The following RNF217 variants were observed in gnomAD, a reference collection of about 807,000 sequenced individuals.
RNF217 encodes E3 ubiquitin-protein ligase RNF217.
A neutral mutation model predicts 57.8 loss-of-function variants in RNF217; 31 were observed. That is an observed-to-expected ratio of 0.54 (90% CI 0.40 to 0.72). RNF217 has a LOEUF of 0.72. Among genes scored for constraint, RNF217 ranks in the 30% least tolerant of loss-of-function variants. The probability of loss-of-function intolerance (pLI) is 0.00; values close to 1 mark genes in which losing one functional copy is unlikely to be tolerated. For synonymous variants in RNF217, 313 were observed against 294.0 expected, an observed-to-expected ratio of 1.06 and a Z score of -0.66; for missense variants, 696 against 708.3, an observed-to-expected ratio of 0.98 and a Z score of 0.20.
At chr6:124,999,335 C>A (rs1052646882) in intron 1 of RNF217, among the ~76,000 whole-genome samples, 3 of 152,220 alleles carry the variant, frequency 2.0e-5, no homozygotes, top group African/African-American at 7.2e-5. Flanking sequence ...TTAGCTGATT[C>A]CCCAGCAGAT....
chr6:125,067,179 A>G (rs1361558455), intron 3 of RNF217, among the ~76,000 whole-genome samples: 1 of 152,192 alleles, frequency 6.6e-6, no homozygotes, highest in African/African-American at 2.4e-5. Flanking sequence ...TAGGAGCCAC[A>G]GGCACTTTGT....
intron 1 of RNF217, among the ~76,000 whole-genome samples, chr6:124,977,723 T>C (rs1036544377): frequency 6.6e-6 from 1 of 152,208 alleles, no homozygotes; most frequent in Non-Finnish European, 1.5e-5. Flanking sequence ...CCCTTAACCG[T>C]GCACAGTCAT....
intron 2 of RNF217, among the ~76,000 whole-genome samples, chr6:125,046,319 T>C (rs1484856404): frequency 9.9e-5 from 15 of 152,028 alleles, no homozygotes. Context: ...TAGAGAAATG[T>C]CATCTGGCAG....
intron 1 of RNF217, chr6:125,005,980 A>G (rs1221502047): frequency 1.3e-5 from 2 of 152,174 alleles, no homozygotes; most frequent in Non-Finnish European, 2.9e-5. Context: ...TGTTTGTTAT[A>G]AGAACTTGGT....
At chr6:125,048,720 C>T (rs574678858) in intron 2 of RNF217, among the ~76,000 whole-genome samples, 99 of 151,916 alleles carry the variant, frequency 6.5e-4, no homozygotes, top group African/African-American at 2.2e-3. Flanking sequence ...TTTGTGAAGA[C>T]CACTTGTTAA....
In RNF217 at chr6:124,962,807, C is replaced by A. The variant is rs1195825596; in HGVS notation, c.263C>A (p.Ala88Glu). ...WSKSRAPAQP[A>E]GLALTGPLNP... The stretch of plus-strand genomic sequence containing the variant: ...AAGAGCCGAGCACCGGCGCAGCCTG[C>A]GGGACTGGCACTCACCGGGCCTCTC... Residue 88 changes from alanine to glutamate, a missense_variant, in exon 1 of 6, where the codon GCG becomes GAG. Physicochemically the swap from Ala to Glu is moderately radical, Grantham distance 107. Around this residue, in one of 2 missense-constraint regions of RNF217, gnomAD observed 465 missense variants for 386.8 expected, o/e 1.20. Coordinates refer to ENST00000521654, the MANE Select transcript of RNF217 (RefSeq NM_001286398.3). This position sits in a 1 kb window ranked among gnomAD's most constrained non-coding sequence, Gnocchi z 4.6. The A allele has an allele frequency of 1.3e-6, 2 of 1,597,550 alleles. No homozygotes were observed. The highest frequency in any genetic ancestry group is 1.7e-6 in the Non-Finnish European group (2 of 1,179,572).
intron 3 of RNF217, among the ~76,000 whole-genome samples, chr6:125,064,828 GT>G (rs1787873377): frequency 6.6e-6 from 1 of 151,908 alleles, no homozygotes; most frequent in South Asian, 2.1e-4. Context: ...ATTTATGTGT[GT>G]GTATGTACGT....
Position 125,087,813 on chromosome 6 carries a change from A to G in RNF217, c.*4876A>G, listed in dbSNP as rs963979651. ...CCTAATTGGAATGTTTGTTTAAAAT[A>G]TTAAATTAATTTATACTGAAAGTTT... On this transcript the variant is annotated 3_prime_UTR_variant, in exon 6 of 6. Transcript: ENST00000521654. 6.6e-6 allele frequency: 1 copy of G among 152,098 alleles called. No homozygotes were observed. The highest frequency in any genetic ancestry group is 6.6e-5 in the Admixed American group (1 of 15,244). 9.4% of individuals were successfully genotyped at this position (152,098 alleles called of 1,614,324 possible).
chr6:125,043,795 G>A (rs1032476248), intron 1 of RNF217, among the ~76,000 whole-genome samples: 18 of 152,072 alleles, frequency 1.2e-4, no homozygotes, highest in African/African-American at 4.1e-4. Flanking sequence ...AAGTGTTTGG[G>A]CACATATTTT....
At chr6:125,075,302 CAGG>C (rs957056395) in intron 3 of RNF217, among the ~76,000 whole-genome samples, 5 of 152,072 alleles carry the variant, frequency 3.3e-5, no homozygotes, top group African/African-American at 1.2e-4. Flanking sequence ...ATTTTAGTAA[CAGG>C]AGAACTGGGC....
At chr6:125,082,717 A>C (rs1045871952) in intron 5 of RNF217, 147 bp from the exon 6 acceptor site, 9 of 1,249,016 alleles carry the variant, frequency 7.2e-6, no homozygotes, top group Non-Finnish European at 9.0e-6. Context: ...AAAGAATGAA[A>C]TATTGAAGAA....
At chr6:125,003,183 G>A (rs7768650) in intron 1 of RNF217, among the ~76,000 whole-genome samples, 11,608 of 152,144 alleles carry the variant, frequency 0.076, 1,541 homozygotes, top group African/African-American at 0.27. Context: ...ATATGGGTGA[G>A]TAGAAGAGAT....
intron 1 of RNF217, among the ~76,000 whole-genome samples, chr6:124,965,586 A>G (rs1213227171): frequency 1.3e-5 from 2 of 152,176 alleles, no homozygotes; most frequent in Non-Finnish European, 2.9e-5. Flanking sequence ...AAAAAGAAGA[A>G]TATACATTAT....
Position 125,058,032 on chromosome 6 carries a change from G to A in RNF217, c.1207G>A (p.Asp403Asn), listed in dbSNP as rs868292357. Residue 403 changes from aspartate to asparagine, a missense_variant, in exon 3 of 6, where the codon GAC becomes AAC. Around this residue, in one of 2 missense-constraint regions of RNF217, gnomAD observed 231 missense variants for 321.4 expected, o/e 0.72. Transcript: ENST00000521654. ...TAACTGCAAGGAGTACAAAAAAGGA[G>A]ACAAATTGTTGCGTCACTGGGCCAG... ...GVNCKEYKKG[D>N]KLLRHWASEI... 1 of 1,613,590 alleles carries A rather than the reference G, an allele frequency of 6.2e-7. No individual in the cohort carries two copies. Among genetic ancestry groups the A allele is most frequent in the Non-Finnish European group, 8.5e-7 (1 of 1,179,738 alleles).
chr6:125,041,048 C>G (rs947190709), intron 1 of RNF217, among the ~76,000 whole-genome samples: 1 of 152,090 alleles, frequency 6.6e-6, no homozygotes, highest in African/African-American at 2.4e-5. Context: ...CAAGGATGCT[C>G]TCTCTCACCA....
At chr6:125,057,413 C>T (rs1787564802) in intron 2 of RNF217, among the ~76,000 whole-genome samples, 1 of 152,144 alleles carries the variant, frequency 6.6e-6, no homozygotes. Flanking sequence ...AACTCCTGAC[C>T]TCAAGTGATC....
At chr6:125,023,299 G>T (rs1562472879) in intron 1 of RNF217, among the ~76,000 whole-genome samples, 1 of 152,216 alleles carries the variant, frequency 6.6e-6, no homozygotes, top group Non-Finnish European at 1.5e-5. Flanking sequence ...GGCATAGCCT[G>T]CAATGGGGCA....
rs1228635877 is a variant in RNF217 at position 124,962,745 on chromosome 6, A to G, written c.201A>G (p.Pro67=). The G allele has an allele frequency of 2.5e-6, 4 of 1,583,794 alleles. No individual in the cohort carries two copies. Among genetic ancestry groups the G allele is most frequent in the East Asian group, 2.3e-5 (1 of 44,230 alleles). Residue 67 remains proline, a synonymous_variant, in exon 1 of 6, where the codon CCA becomes CCG. Coordinates refer to ENST00000521654, the MANE Select transcript of RNF217 (RefSeq NM_001286398.3). This position sits in a 1 kb window ranked among gnomAD's most constrained non-coding sequence, Gnocchi z 4.6. ...GGGGCTGCGCGGACACCAGCGCCCC[A>G]GAGCCCGCGAGGAGCCTGGGGCCCC... ...SDWGCADTSA[P]EPARSLGPPG...
chr6:124,984,103 G>A (rs185600236), intron 1 of RNF217, among the ~76,000 whole-genome samples: 138 of 152,184 alleles, frequency 9.1e-4, no homozygotes, highest in African/African-American at 3.3e-3. Context: ...TGAATTTTAG[G>A]GAGAAGCAAA....
Sources: allele counts gnomAD v4.1 joint callset (sites outside exome capture counted in the v4.1 genomes callset), GRCh38; gene constraint gnomAD v4.1.1; regional missense constraint gnomAD v4.1.1; non-coding constraint Gnocchi (gnomAD v3.1); transcripts MANE v1.5; gene names NCBI Gene and HGNC (gene_info 2026-07-23, HGNC 2026-07-21).